SGMS1: variants seen among roughly 807,000 people sequenced by gnomAD.
The protein encoded by SGMS1 is sphingomyelin synthase 1, also known as phosphatidylcholine:ceramide cholinephosphotransferase 1.
Under a neutral mutation model 46.2 loss-of-function variants are expected in SGMS1, and 13 were observed. The ratio of observed to expected loss-of-function variants is 0.28; its 90% CI spans 0.18 to 0.45. The LOEUF (loss-of-function observed/expected upper bound fraction) is 0.45. SGMS1 is among the 20% of genes least tolerant of loss of function. SGMS1 has a pLI of 1.00. For synonymous variants in SGMS1, 203 were observed against 187.8 expected (o/e 1.08, Z -0.66); for missense variants, 324 against 519.9 (o/e 0.62, Z 3.66).
chr10:50,567,351 G>A (rs1838297914), intron 2 of SGMS1, among the ~76,000 whole-genome samples: 1 of 152,312 alleles, frequency 6.6e-6, no homozygotes, highest in South Asian at 2.1e-4. Context: ...CCACAGATAT[G>A]AAGGGCTGAC....
chr10:50,392,341 T>A (rs995250948), intron 6 of SGMS1, among the ~76,000 whole-genome samples: 1 of 152,094 alleles, frequency 6.6e-6, no homozygotes, highest in Non-Finnish European at 1.5e-5. Context: ...ATTTAGAGAG[T>A]CTTAATCAAA....
intron 6 of SGMS1, among the ~76,000 whole-genome samples, chr10:50,359,432 G>A (rs1848211415): frequency 6.6e-6 from 1 of 152,100 alleles, no homozygotes; most frequent in Non-Finnish European, 1.5e-5. Flanking sequence ...GAGAGAATTT[G>A]GGGAGACAAA....
chr10:50,504,919 A>G (rs1837694059), intron 3 of SGMS1, among the ~76,000 whole-genome samples: 1 of 152,176 alleles, frequency 6.6e-6, no homozygotes, highest in African/African-American at 2.4e-5. Context: ...AAAAGATACA[A>G]TAAAAAAGTC....
intron 3 of SGMS1, among the ~76,000 whole-genome samples, chr10:50,487,751 T>C (rs1416427290): frequency 6.6e-6 from 1 of 152,042 alleles, no homozygotes. Flanking sequence ...CTTCCATTTT[T>C]TGAGAGATGG....
intron 2 of SGMS1, among the ~76,000 whole-genome samples, chr10:50,589,580 C>G (rs921521464): frequency 2.0e-5 from 3 of 152,122 alleles, no homozygotes; most frequent in African/African-American, 7.2e-5. Flanking sequence ...AGCGATCCTC[C>G]CACCTCAGCC....
chr10:50,487,007 G>A (rs943378911), intron 3 of SGMS1, among the ~76,000 whole-genome samples: 3 of 152,212 alleles, frequency 2.0e-5, no homozygotes, highest in African/African-American at 7.2e-5. Context: ...GTCCTTTGCA[G>A]GGACATGGAT....
chr10:50,439,921 G>A (rs1849519838), intron 5 of SGMS1, among the ~76,000 whole-genome samples: 1 of 151,978 alleles, frequency 6.6e-6, no homozygotes, highest in Admixed American at 6.6e-5. Flanking sequence ...GTATTTTGGG[G>A]GCATCTACAA....
At chr10:50,487,672 G>A (rs909984549) in intron 3 of SGMS1, among the ~76,000 whole-genome samples, 1 of 151,666 alleles carries the variant, frequency 6.6e-6, no homozygotes, top group Non-Finnish European at 1.5e-5. Flanking sequence ...TTTCATTTCA[G>A]AACACATGAA....
chr10:50,345,437 AGTG>A (rs1410579021), intron 6 of SGMS1, among the ~76,000 whole-genome samples: 5 of 152,236 alleles, frequency 3.3e-5, no homozygotes, highest in Admixed American at 1.3e-4. Context: ...GTTCTAGTTC[AGTG>A]GATTTACTTA....
intron 2 of SGMS1, among the ~76,000 whole-genome samples, chr10:50,563,722 G>A (rs1032684056): frequency 4.2e-5 from 5 of 118,120 alleles, no homozygotes; most frequent in Non-Finnish European, 6.5e-5. Flanking sequence ...CAGCCTGGGC[G>A]ACAGAGCGAG....
At chr10:50,312,004 CCTGT>C (rs1354953111) in intron 8 of SGMS1, among the ~76,000 whole-genome samples, 12 of 152,144 alleles carry the variant, frequency 7.9e-5, no homozygotes, top group Admixed American at 7.9e-4. Flanking sequence ...AATTAATTTA[CCTGT>C]CTATGATACA....
At chr10:50,532,773 G>A (rs904005095) in intron 2 of SGMS1, among the ~76,000 whole-genome samples, 1 of 152,206 alleles carries the variant, frequency 6.6e-6, no homozygotes. Flanking sequence ...TTAGCCGTAG[G>A]CTAAAGTGGT....
intron 3 of SGMS1, among the ~76,000 whole-genome samples, chr10:50,507,364 A>G (rs1178059685): frequency 1.3e-5 from 2 of 152,168 alleles, no homozygotes; most frequent in Non-Finnish European, 2.9e-5. Context: ...TTTGTCTCTG[A>G]GCTCCCATGC....
intron 3 of SGMS1, among the ~76,000 whole-genome samples, chr10:50,499,427 T>C (rs1837643175): frequency 6.6e-6 from 1 of 152,196 alleles, no homozygotes; most frequent in Non-Finnish European, 1.5e-5. Flanking sequence ...ATTGCTGGTA[T>C]ACCACTAAAA....
intron 6 of SGMS1, among the ~76,000 whole-genome samples, chr10:50,389,563 C>G (rs887522638): frequency 2.6e-5 from 4 of 152,192 alleles, no homozygotes; most frequent in African/African-American, 9.7e-5. Context: ...ATGAGAGCAA[C>G]TTCCCAGTGA....
At chr10:50,489,308 C>T (rs1837548577) in intron 3 of SGMS1, among the ~76,000 whole-genome samples, 1 of 152,234 alleles carries the variant, frequency 6.6e-6, no homozygotes, top group South Asian at 2.1e-4. Flanking sequence ...TTCCACATGA[C>T]AGAGACACTC....
At position 50,307,518 on chromosome 10, in the gene SGMS1, G is replaced by T. The variant is rs749517268; in HGVS notation, c.1063-197C>A. Among the ~76,000 whole-genome samples the T allele has an allele frequency of 2.6e-5, 4 of 152,000 alleles. No individual in the cohort carries two copies. Among genetic ancestry groups the T allele is most frequent in the Non-Finnish European group, 2.9e-5 (2 of 68,002 alleles). On this transcript the variant is annotated intron_variant, in intron 10 of 10. Coordinates refer to ENST00000361781, the MANE Select transcript of SGMS1 (RefSeq NM_147156.4). This position sits in a 1 kb window ranked among gnomAD's most constrained non-coding sequence, Gnocchi z 4.2. ...AGCCACATCCCAGTAGAAAAACAAC[G>T]CCAATTCTGGGAGGGCAAGGAGAAC...
chr10:50,385,064 A>G (rs1848663505), intron 6 of SGMS1, among the ~76,000 whole-genome samples: 1 of 151,940 alleles, frequency 6.6e-6, no homozygotes, highest in Non-Finnish European at 1.5e-5. Flanking sequence ...GAAGGGTGCT[A>G]GTTTTTTTTT....
At chr10:50,392,993 G>GC (rs572190437) in intron 6 of SGMS1, among the ~76,000 whole-genome samples, 8 of 147,858 alleles carry the variant, frequency 5.4e-5, no homozygotes, top group Non-Finnish European at 1.2e-4. Context: ...CATCCAGAAA[G>GC]TTTTTTTTTT....
Sources: allele counts gnomAD v4.1 joint callset (sites outside exome capture counted in the v4.1 genomes callset), GRCh38; gene constraint gnomAD v4.1.1; non-coding constraint Gnocchi (gnomAD v3.1); transcripts MANE v1.5; gene names NCBI Gene and HGNC (gene_info 2026-07-23, HGNC 2026-07-21).